RARB: variants seen among roughly 807,000 people sequenced by gnomAD.
The protein encoded by RARB is retinoic acid receptor beta, also known as HBV-activated protein.
Under a neutral mutation model 51.9 loss-of-function variants are expected in RARB, and 17 were observed. That is an observed-to-expected ratio of 0.33 (90% CI 0.22 to 0.49). RARB has a LOEUF of 0.49. Ranked by LOEUF, RARB falls within the 20% of genes least tolerant of loss-of-function variation. The pLI is 0.99. For synonymous variants in RARB, 215 were observed against 195.4 expected (o/e 1.10, Z -0.84); for missense variants, 369 against 550.8 (o/e 0.67, Z 3.30).
intron 5 of RARB, among the ~76,000 whole-genome samples, chr3:25,186,885 CTGTGTGTGTGTGTGTGTGTGTG>C (rs71057702): frequency 5.4e-4 from 62 of 114,284 alleles, no homozygotes; most frequent in Admixed American, 3.4e-3. Flanking sequence ...AAAGGTAAGC[CTGTGTGTGTGTGTGTGTGTGTG>C]TGTGTGTGTG....
At chr3:24,972,470 T>A (rs1696421273) in intron 2 of RARB, among the ~76,000 whole-genome samples, 1 of 152,168 alleles carries the variant, frequency 6.6e-6, no homozygotes. Context: ...GATATTTCTT[T>A]GCTATATTGA....
chr3:24,945,432 A>G (rs143384209), intron 2 of RARB, among the ~76,000 whole-genome samples: 1 of 152,372 alleles, frequency 6.6e-6, no homozygotes, highest in East Asian at 1.9e-4. Context: ...CCTGTGAGAC[A>G]TAAGTGATAG....
intron 1 of RARB, among the ~76,000 whole-genome samples, chr3:25,455,435 T>C (rs563250664): frequency 1.2e-4 from 18 of 152,320 alleles, no homozygotes; most frequent in Admixed American, 3.3e-4. Context: ...GGCCACACTT[T>C]GAGGAACATT....
Position 25,530,931 on chromosome 3 carries a change from T to TA in RARB, c.448+29609dup, listed in dbSNP as rs533157993. ...TCCTGGTTTCAGGATCATATGGACT[T>TA]ACGTTTTAACTTTTATACCCTAGGA... On this transcript the variant is annotated intron_variant, in intron 3 of 7. Transcript: ENST00000330688. 5.3e-5 allele frequency among the ~76,000 whole-genome samples: 8 copies of TA among 152,312 alleles called. No individual in the cohort carries two copies. The South Asian group carries it at 1.2e-3, about 24-fold the overall frequency.
Position 25,412,232 on chromosome 3 carries a change from G to A in RARB, c.179-48961G>A, listed in dbSNP as rs147087930. 4.5e-3 allele frequency among the ~76,000 whole-genome samples: 686 copies of A among 152,104 alleles called. 7 individuals carry two copies. The highest frequency in any genetic ancestry group is 0.016 in the African/African-American group (644 of 41,500). On this transcript the variant is annotated intron_variant, in intron 5 of 11. Coordinates refer to the RARB transcript ENST00000383772. ...CTTTTGTCTTCCTTTTTAAATTCTC[G>A]TCCTTATCCTGCACTTAATCACTCA... is the stretch of plus-strand genomic sequence containing the variant.
intron 2 of RARB, among the ~76,000 whole-genome samples, chr3:24,986,651 C>G (rs554915728): frequency 3.9e-5 from 6 of 152,134 alleles, no homozygotes; most frequent in African/African-American, 1.4e-4. Flanking sequence ...GATCATTAAA[C>G]AAGAGAATAA....
chr3:25,532,889 C>G (rs886067356), intron 3 of RARB, among the ~76,000 whole-genome samples: 1 of 152,166 alleles, frequency 6.6e-6, no homozygotes, highest in Non-Finnish European at 1.5e-5. Context: ...ATTTAAAGTT[C>G]ACTTCAGAGG....
At chr3:25,122,965 C>G (rs9810505) in intron 3 of RARB, among the ~76,000 whole-genome samples, 1,608 of 152,268 alleles carry the variant, frequency 0.011, 25 homozygotes, top group African/African-American at 0.036. Context: ...GTTATCTACC[C>G]CACTTCGCCA....
At chr3:25,139,053 A>G (rs1424751845) in intron 4 of RARB, among the ~76,000 whole-genome samples, 1 of 152,142 alleles carries the variant, frequency 6.6e-6, no homozygotes, top group Non-Finnish European at 1.5e-5. Context: ...CCCATTTAAG[A>G]TGGGGAACTT....
chr3:24,915,164 AAAAC>A (rs1428737976), intron 2 of RARB, among the ~76,000 whole-genome samples: 3 of 152,218 alleles, frequency 2.0e-5, no homozygotes, highest in Admixed American at 6.5e-5. Context: ...GAAGAAAACA[AAAAC>A]AAACTTTTTT....
chr3:25,101,963 G>T (rs1699408549), intron 3 of RARB, among the ~76,000 whole-genome samples: 1 of 152,104 alleles, frequency 6.6e-6, no homozygotes, highest in Admixed American at 6.6e-5. Flanking sequence ...ACACTCGGAG[G>T]ACATGAAGTT....
intron 2 of RARB, among the ~76,000 whole-genome samples, chr3:24,906,971 G>T (rs1694880952): frequency 6.6e-6 from 1 of 151,964 alleles, no homozygotes; most frequent in Non-Finnish European, 1.5e-5. Flanking sequence ...AGAGAATGAT[G>T]GTGAATTTCA....
chr3:25,403,366 T>C (rs1050526876), intron 5 of RARB, among the ~76,000 whole-genome samples: 1 of 152,158 alleles, frequency 6.6e-6, no homozygotes, highest in African/African-American at 2.4e-5. Context: ...AAACATCTCA[T>C]GTACCCATAA....
At chr3:25,106,552 C>T (rs1268286411) in intron 3 of RARB, among the ~76,000 whole-genome samples, 1 of 150,418 alleles carries the variant, frequency 6.6e-6, no homozygotes, top group African/African-American at 2.5e-5. Context: ...ATCTGCCCCT[C>T]TCATCCTCCC....
At chr3:25,309,706 A>C (rs1458019843) in intron 5 of RARB, among the ~76,000 whole-genome samples, 4 of 151,398 alleles carry the variant, frequency 2.6e-5, no homozygotes, top group Non-Finnish European at 5.9e-5. Flanking sequence ...TATGTTGGCC[A>C]GGCTGGCCTC....
chr3:24,881,161 G>A (rs1703151910), intron 2 of RARB, among the ~76,000 whole-genome samples: 1 of 152,184 alleles, frequency 6.6e-6, no homozygotes, highest in Non-Finnish European at 1.5e-5. Flanking sequence ...TGTAAGATGT[G>A]CCTTGCTTCT....
chr3:24,876,745 C>G (rs1035336143), intron 2 of RARB, among the ~76,000 whole-genome samples: 2 of 152,088 alleles, frequency 1.3e-5, no homozygotes, highest in Non-Finnish European at 2.9e-5. Context: ...AAACAACCAA[C>G]TTGCCATGTG....
intron 2 of RARB, among the ~76,000 whole-genome samples, chr3:24,958,292 C>CTTTTTTTTTTTTTTT (rs1696067277): frequency 2.4e-5 from 1 of 40,994 alleles, no homozygotes; most frequent in African/African-American, 6.1e-5. Flanking sequence ...TTTTTTTTAG[C>CTTTTTTTTTTTTTTT]TGTCATGGAG....
At position 25,258,352 on chromosome 3, in the gene RARB, A is replaced by G. The variant is rs536168722; in HGVS notation, c.178+83777A>G. 2.6e-5 allele frequency among the ~76,000 whole-genome samples: 4 copies of G among 152,262 alleles called. No homozygotes were observed. The East Asian group carries it at 7.7e-4, about 29-fold the overall frequency. ...GTCAGCACTCTTCTGTGATAGTTGT[A>G]TGTTGTTTTATGGTCGCAATTGATA... On this transcript the variant is annotated intron_variant, in intron 5 of 11. Coordinates refer to the RARB transcript ENST00000383772.
Sources: gnomAD v4.1 joint callset for allele counts (sites outside exome capture counted in the v4.1 genomes callset) on GRCh38, gnomAD v4.1.1 for gene constraint, MANE v1.5 for transcripts, NCBI Gene and HGNC (gene_info 2026-07-23, HGNC 2026-07-21) for gene names.